The following RELCH variants were observed in gnomAD, a reference collection of about 807,000 sequenced individuals.
RELCH encodes the protein RAB11-binding protein RELCH.
RELCH carries 41 observed loss-of-function variants against 150.3 expected under a neutral mutation model. The ratio of observed to expected loss-of-function variants is 0.27; its 90% CI spans 0.21 to 0.35. The LOEUF (loss-of-function observed/expected upper bound fraction) is 0.35. Among genes scored for constraint, RELCH ranks in the 10% least tolerant of loss-of-function variants. The pLI is 1.00. For synonymous variants in RELCH, 478 were observed against 531.8 expected (o/e 0.90, Z 1.39); for missense variants, 1,092 against 1,467.8 (o/e 0.74, Z 4.18).
At chr18:62,192,012 A>T (rs1196848641) in intron 1 of RELCH, among the ~76,000 whole-genome samples, 1 of 152,216 alleles carries the variant, frequency 6.6e-6, no homozygotes, top group Non-Finnish European at 1.5e-5. Context: ...AGTCCCAGCA[A>T]CAGTGTAAAA....
intron 2 of RELCH, among the ~76,000 whole-genome samples, chr18:62,213,505 C>T (rs990585242): frequency 2.0e-5 from 3 of 151,774 alleles, no homozygotes; most frequent in Admixed American, 6.6e-5. Context: ...AGAGGCGGGT[C>T]GATCACCTGA....
chr18:62,220,806 A>G (rs1253636870), intron 2 of RELCH: 1 of 534,784 alleles, frequency 1.9e-6, no homozygotes, highest in Non-Finnish European at 3.3e-6. Context: ...CAGCTAGAAC[A>G]TTTGATAATA....
At chr18:62,199,387 G>C (rs1422111728) in intron 1 of RELCH, among the ~76,000 whole-genome samples, 1 of 151,674 alleles carries the variant, frequency 6.6e-6, no homozygotes, top group Non-Finnish European at 1.5e-5. Flanking sequence ...TTTTTTAAAA[G>C]ATGTTAGCTC....
At chr18:62,256,099 GA>G (rs1451029248) in intron 13 of RELCH, among the ~76,000 whole-genome samples, 2 of 152,046 alleles carry the variant, frequency 1.3e-5, no homozygotes, top group East Asian at 3.9e-4. Flanking sequence ...GCTGCATACT[GA>G]AAAATTATAG....
In RELCH at chr18:62,305,278, A is replaced by G. The variant is rs1227686241; in HGVS notation, c.3531-136A>G. ...CTCCTAACCTAGTATGGCATATACA[A>G]ACTACCCTCCATAAATATTAGTTTC... On this transcript the variant is annotated intron_variant, in intron 28 of 28. Coordinates refer to ENST00000644646, the MANE Select transcript of RELCH (RefSeq NM_001346231.2). The surrounding 1 kb of genome is among the most constrained non-coding windows in gnomAD (Gnocchi z 4.0). The G allele has an allele frequency of 2.4e-5, 16 of 678,750 alleles. No individual in the cohort carries two copies. The Admixed American group carries it at 5.0e-4, about 21-fold the overall frequency. 42.0% of individuals were successfully genotyped at this position (678,750 alleles called of 1,614,324 possible).
chr18:62,260,535 G>A (rs972905075), intron 15 of RELCH, among the ~76,000 whole-genome samples: 2 of 151,874 alleles, frequency 1.3e-5, no homozygotes, highest in East Asian at 1.9e-4. Flanking sequence ...TCCCACCACT[G>A]GGTATATATC....
chr18:62,251,910 T>C (rs1175557317), intron 11 of RELCH, among the ~76,000 whole-genome samples: 1 of 152,170 alleles, frequency 6.6e-6, no homozygotes, highest in Non-Finnish European at 1.5e-5. Flanking sequence ...TCACAGATGG[T>C]GTTGTCACTG....
chr18:62,300,951 G>C (rs965909106), intron 28 of RELCH: 3 of 152,192 alleles, frequency 2.0e-5, no homozygotes, highest in African/African-American at 7.2e-5. Flanking sequence ...TGTTCACAAA[G>C]ATGAGCTTGA....
chr18:62,298,060 A>G (rs886947327), intron 27 of RELCH, among the ~76,000 whole-genome samples: 1 of 152,016 alleles, frequency 6.6e-6, no homozygotes, highest in African/African-American at 2.4e-5. Flanking sequence ...TAAGCTCCAC[A>G]AGTAGGGAAT....
At chr18:62,221,555 C>A in intron 5 of RELCH, 58 bp downstream of exon 5, 14 of 662,034 alleles carry the variant, frequency 2.1e-5, no homozygotes, top group Non-Finnish European at 3.4e-5. Context: ...TTCACTTTTT[C>A]TTTTACGTAG....
intron 10 of RELCH, among the ~76,000 whole-genome samples, chr18:62,233,338 C>T (rs1172766644): frequency 6.6e-6 from 1 of 151,644 alleles, no homozygotes; most frequent in Non-Finnish European, 1.5e-5. Context: ...TTAATATTTA[C>T]CACTGATTCA....
chr18:62,253,657 A>G (rs917108586), intron 12 of RELCH, among the ~76,000 whole-genome samples: 1 of 152,154 alleles, frequency 6.6e-6, no homozygotes, highest in African/African-American at 2.4e-5. Context: ...TTATAGTCCT[A>G]TTCCCAAGTT....
rs116667975 is a variant in RELCH, at chr18:62,191,602, C to T, written c.526+3571C>T. 2.8e-3 allele frequency among the ~76,000 whole-genome samples: 426 copies of T among 152,248 alleles called. 3 individuals are homozygous for T. The highest frequency in any genetic ancestry group is 9.8e-3 in the African/African-American group (406 of 41,548). On this transcript the variant is annotated intron_variant, in intron 1 of 28. Coordinates refer to ENST00000644646, the MANE Select transcript of RELCH (RefSeq NM_001346231.2). ...CTCACCCACCATGTCCATGTGTTCT[C>T]ACTGTTCAGCTCCTACTTATATATG... is the stretch of plus-strand genomic sequence containing the variant.
chr18:62,291,700 C>G, intron 27 of RELCH, 69 bp downstream of exon 27: 3 of 966,616 alleles, frequency 3.1e-6, no homozygotes, highest in Non-Finnish European at 4.8e-6. Flanking sequence ...GCAGTCTTCT[C>G]TATGTGAGGC....
chr18:62,220,365 A>ATTT (rs377746154), intron 2 of RELCH, among the ~76,000 whole-genome samples: 1 of 128,144 alleles, frequency 7.8e-6, no homozygotes, highest in Admixed American at 7.8e-5. Flanking sequence ...GGGGTTTTGG[A>ATTT]TTTTTTTTTT....
intron 9 of RELCH, among the ~76,000 whole-genome samples, 191 bp from the exon 10 acceptor site, chr18:62,232,141 G>T (rs2041619127): frequency 6.6e-6 from 1 of 151,878 alleles, no homozygotes; most frequent in Non-Finnish European, 1.5e-5. Flanking sequence ...TATGGATGTT[G>T]ATTGGAGCAC....
chr18:62,204,188 T>C (rs1394403090), intron 1 of RELCH, among the ~76,000 whole-genome samples: 1 of 152,144 alleles, frequency 6.6e-6, no homozygotes, highest in East Asian at 1.9e-4. Context: ...TATAATTATT[T>C]ATAGTACTTT....
intron 11 of RELCH, among the ~76,000 whole-genome samples, chr18:62,251,016 G>T (rs923857069): frequency 3.3e-5 from 5 of 152,114 alleles, no homozygotes; most frequent in African/African-American, 1.2e-4. Context: ...GCATTTTAAA[G>T]TCATTTTAGA....
At chr18:62,215,786 T>C (rs981365847) in intron 2 of RELCH, among the ~76,000 whole-genome samples, 1 of 152,134 alleles carries the variant, frequency 6.6e-6, no homozygotes, top group African/African-American at 2.4e-5. Flanking sequence ...GAGCCCACAA[T>C]AGATCTTTTA....
Sources: gnomAD v4.1 joint callset for allele counts (sites outside exome capture counted in the v4.1 genomes callset) on GRCh38, gnomAD v4.1.1 for gene constraint, Gnocchi (gnomAD v3.1) non-coding constraint, MANE v1.5 for transcripts, NCBI Gene and HGNC (gene_info 2026-07-23, HGNC 2026-07-21) for gene names.